CNTN1: variants seen among roughly 807,000 people sequenced by gnomAD.
CNTN1 encodes contactin-1.
CNTN1 carries 38 observed loss-of-function variants against 126.4 expected under a neutral mutation model. The ratio of observed to expected loss-of-function variants is 0.30; its 90% CI spans 0.23 to 0.39. The LOEUF (loss-of-function observed/expected upper bound fraction) is 0.39, where lower values mean the gene tolerates loss of function less well. Among genes scored for constraint, CNTN1 ranks in the 10% least tolerant of loss-of-function variants. The pLI, the probability that CNTN1 is intolerant of heterozygous loss-of-function variation, is 1.00. For missense variants in CNTN1, 1,009 were observed against 1,248.4 expected (o/e 0.81, Z 2.89); for synonymous variants, 413 against 422.6 (o/e 0.98, Z 0.28).
At chr12:41,055,680 C>T (rs773768367) in intron 23 of CNTN1, among the ~76,000 whole-genome samples, 1 of 152,100 alleles carries the variant, frequency 6.6e-6, no homozygotes, top group Non-Finnish European at 1.5e-5. Flanking sequence ...TATATTAAAA[C>T]TGAGAAGCAA....
chr12:40,840,168 G>C (rs1397827003), intron 1 of CNTN1, among the ~76,000 whole-genome samples: 1 of 151,550 alleles, frequency 6.6e-6, no homozygotes, highest in Non-Finnish European at 1.5e-5. Flanking sequence ...CCACATAAAA[G>C]GAAACCAAAA....
chr12:40,813,024 C>CTT (rs1294774562), intron 1 of CNTN1, among the ~76,000 whole-genome samples: 58,856 of 121,260 alleles, frequency 0.49, 16,364 homozygotes, highest in East Asian at 0.74. Context: ...TCCTTTCTTT[C>CTT]TTTCTCTTTC....
At chr12:40,825,528 A>T (rs1941584687) in intron 1 of CNTN1, among the ~76,000 whole-genome samples, 1 of 152,154 alleles carries the variant, frequency 6.6e-6, no homozygotes, top group African/African-American at 2.4e-5. Context: ...ATCTGCAAAG[A>T]CATCACATTT....
chr12:40,919,662 C>T (rs1461157947), intron 4 of CNTN1, among the ~76,000 whole-genome samples: 2 of 152,102 alleles, frequency 1.3e-5, no homozygotes, highest in Non-Finnish European at 2.9e-5. Context: ...ATATCCCTTT[C>T]CACCCATTTG....
At chr12:40,788,565 G>A (rs188328459) in intron 1 of CNTN1, among the ~76,000 whole-genome samples, 1 of 151,970 alleles carries the variant, frequency 6.6e-6, no homozygotes, top group East Asian at 1.9e-4. Flanking sequence ...AAGAGGTTCC[G>A]GTAGCATTAA....
At chr12:40,716,604 G>C (rs1213257061) in intron 1 of CNTN1, among the ~76,000 whole-genome samples, 1 of 152,160 alleles carries the variant, frequency 6.6e-6, no homozygotes, top group Non-Finnish European at 1.5e-5. Flanking sequence ...GCATTTCCAA[G>C]TATATCTGAA....
rs567616565 is a variant in CNTN1, at chr12:40,862,031, G to A, written c.-76-46326G>A. On this transcript the variant is annotated intron_variant, in intron 1 of 23. Transcript: ENST00000551295. ...GAGTTTGAGACCAGCCTGGGCAGCCGAGTGAGGCCCCTGTCTTTACAAAAA... is the reference window on the plus strand; with the variant it reads ...GAGTTTGAGACCAGCCTGGGCAGCCAAGTGAGGCCCCTGTCTTTACAAAAA... Among the ~76,000 whole-genome samples the A allele has an allele frequency of 2.0e-5, 3 of 149,608 alleles. No individual in the cohort carries two copies. In the South Asian group the frequency reaches 6.4e-4, roughly 32 times the overall value.
chr12:40,922,792 G>T (rs1945494143), intron 5 of CNTN1, among the ~76,000 whole-genome samples: 1 of 151,964 alleles, frequency 6.6e-6, no homozygotes, highest in African/African-American at 2.4e-5. Context: ...CCAACATGGT[G>T]AAACCCTGTC....
intron 1 of CNTN1, among the ~76,000 whole-genome samples, chr12:40,745,634 A>G (rs1468366263): frequency 1.3e-5 from 2 of 152,128 alleles, no homozygotes; most frequent in Non-Finnish European, 2.9e-5. Flanking sequence ...TTCTTATCAG[A>G]CTTAAAAAGG....
chr12:40,935,246 G>T (rs768438202), intron 9 of CNTN1, among the ~76,000 whole-genome samples: 7 of 152,000 alleles, frequency 4.6e-5, no homozygotes, highest in Non-Finnish European at 7.4e-5. Context: ...ACTAGGTAAG[G>T]TCCTTTAAAC....
At chr12:40,780,284 G>A (rs1324515731) in intron 1 of CNTN1, among the ~76,000 whole-genome samples, 1 of 151,840 alleles carries the variant, frequency 6.6e-6, no homozygotes, top group Non-Finnish European at 1.5e-5. Context: ...GAGGATGACA[G>A]GTGAACTTGT....
At chr12:41,068,108 G>C (rs779003120) in intron 23 of CNTN1, among the ~76,000 whole-genome samples, 1 of 152,184 alleles carries the variant, frequency 6.6e-6, no homozygotes, top group African/African-American at 2.4e-5. Flanking sequence ...ACACGGCAGA[G>C]AGGTCAAAAG....
At position 41,007,945 on chromosome 12, in the gene CNTN1, A is replaced by G. The variant is rs1016614196; in HGVS notation, c.2114-6283A>G. On this transcript the variant is annotated intron_variant, in intron 17 of 23. Coordinates refer to ENST00000551295, the MANE Select transcript of CNTN1 (RefSeq NM_001843.4). The stretch of plus-strand genomic sequence containing the variant: ...AAATGATTTGTGGCTGCCTTTCAAT[A>G]AAAAGCAAAGCCTTACCAAGGACTC... Among the ~76,000 whole-genome samples, 4 of 152,324 alleles carry G rather than the reference A, an allele frequency of 2.6e-5. No homozygotes were observed. In the East Asian group the frequency reaches 7.7e-4, roughly 29 times the overall value.
intron 1 of CNTN1, among the ~76,000 whole-genome samples, chr12:40,797,781 A>C (rs889015033): frequency 2.0e-5 from 3 of 152,062 alleles, no homozygotes; most frequent in African/African-American, 7.2e-5. Flanking sequence ...GATTCGGTAT[A>C]TAGTTATGCA....
At chr12:40,955,817 G>C (rs1481224175) in intron 14 of CNTN1, among the ~76,000 whole-genome samples, 1 of 152,090 alleles carries the variant, frequency 6.6e-6, no homozygotes, top group Non-Finnish European at 1.5e-5. Flanking sequence ...TACAATTTCA[G>C]ATATGGGAGG....
At chr12:41,058,659 TA>T (rs1949877003) in intron 23 of CNTN1, among the ~76,000 whole-genome samples, 1 of 152,020 alleles carries the variant, frequency 6.6e-6, no homozygotes, top group Non-Finnish European at 1.5e-5. Flanking sequence ...ACCATGAAAC[TA>T]TGACTAAGGA....
At chr12:40,763,086 C>G (rs1938930426) in intron 1 of CNTN1, 3 of 152,438 alleles carry the variant, frequency 2.0e-5, no homozygotes, top group South Asian at 2.1e-4. Context: ...TTCTCTTCCT[C>G]TCTTTCTAGC....
chr12:40,735,270 G>T (rs1592027940), intron 1 of CNTN1, among the ~76,000 whole-genome samples: 2 of 152,018 alleles, frequency 1.3e-5, no homozygotes, highest in African/African-American at 4.8e-5. Context: ...AGTCAATTTA[G>T]TACTCTTATT....
intron 1 of CNTN1, among the ~76,000 whole-genome samples, chr12:40,739,056 A>G (rs1302507390): frequency 1.3e-5 from 2 of 152,072 alleles, no homozygotes; most frequent in Non-Finnish European, 2.9e-5. Context: ...AACCAGTTAA[A>G]TCAGAAATAC....
Sources: allele counts gnomAD v4.1 joint callset (sites outside exome capture counted in the v4.1 genomes callset), GRCh38; gene constraint gnomAD v4.1.1; transcripts MANE v1.5; gene names NCBI Gene and HGNC (gene_info 2026-07-23, HGNC 2026-07-21).